The following C12orf42 variants were observed in gnomAD, a reference collection of about 807,000 sequenced individuals.
C12orf42 encodes the protein uncharacterized protein C12orf42.
Under a neutral mutation model 21.6 loss-of-function variants are expected in C12orf42, and 25 were observed. That is an observed-to-expected ratio of 1.16 (90% CI 0.84 to 1.62). The LOEUF (loss-of-function observed/expected upper bound fraction) is 1.62, where lower values mean the gene tolerates loss of function less well. Ranked by LOEUF, C12orf42 falls within the 40% of genes most tolerant of loss-of-function variation. The pLI is 0.00. For synonymous variants in C12orf42, 174 were observed against 175.0 expected (o/e 0.99, Z 0.05); for missense variants, 483 against 459.3 (o/e 1.05, Z -0.47).
the C12orf42 span, among the ~76,000 whole-genome samples, chr12:103,105,654 A>G: frequency 6.6e-6 from 1 of 152,208 alleles, no homozygotes; most frequent in Admixed American, 6.5e-5. Context: ...ATAAAAGTTG[A>G]AATTAAGTAG....
chr12:103,491,358 G>A lies in C12orf42; in HGVS notation c.-22+4544C>T, dbSNP rs866249885. The stretch of plus-strand genomic sequence containing the variant: ...TGAATCTCTATATGTACTATAACAA[G>A]AGGAAACTCTGGTGCATCCATCCCA... On this transcript the variant is annotated intron_variant, in intron 1 of 5. Transcript: ENST00000548883. 2.0e-5 allele frequency among the ~76,000 whole-genome samples: 3 copies of A among 152,250 alleles called. No homozygotes were observed. The South Asian group carries it at 6.2e-4, about 32-fold the overall frequency.
intron 10 of C12orf42, among the ~76,000 whole-genome samples, chr12:103,245,594 T>G (rs1007761750): frequency 1.3e-5 from 2 of 152,084 alleles, no homozygotes; most frequent in African/African-American, 4.8e-5. Context: ...ATAATTGATA[T>G]TGATTATTAT....
At chr12:103,057,961 C>CT in the C12orf42 span, among the ~76,000 whole-genome samples, 808 of 141,076 alleles carry the variant, frequency 5.7e-3, 1 homozygote, top group African/African-American at 8.8e-3. Flanking sequence ...TGATAATGAG[C>CT]TTTTTTTTTT....
intron 5 of C12orf42, among the ~76,000 whole-genome samples, chr12:103,305,393 AT>A (rs570492817): frequency 2.6e-5 from 4 of 152,208 alleles, no homozygotes; most frequent in Non-Finnish European, 5.9e-5. Flanking sequence ...AAATCATTTA[AT>A]TTGAAGTAAT....
At chr12:103,414,014 G>C (rs1328612615) in intron 2 of C12orf42, among the ~76,000 whole-genome samples, 1 of 152,162 alleles carries the variant, frequency 6.6e-6, no homozygotes, top group Non-Finnish European at 1.5e-5. Flanking sequence ...ATACTCAGTA[G>C]TGGGATTGCT....
At position 103,469,468 on chromosome 12, in the gene C12orf42, T is replaced by C. The variant is rs117033172; in HGVS notation, c.78+8881A>G. Among the ~76,000 whole-genome samples, 169 of 152,370 alleles carry C rather than the reference T, an allele frequency of 1.1e-3. 4 individuals are homozygous for C. In the East Asian group the frequency reaches 0.03, roughly 27 times the overall value. On this transcript the variant is annotated intron_variant, in intron 2 of 5. Coordinates refer to ENST00000548883, the MANE Select transcript of C12orf42 (RefSeq NM_198521.5). ...CTCCATGCAGACTTTAATTACTTTA[T>C]GCAAATTTATTGTGTATGAATACTT...
chr12:103,199,525 C>G, the C12orf42 span, among the ~76,000 whole-genome samples: 13 of 152,008 alleles, frequency 8.6e-5, no homozygotes, highest in Non-Finnish European at 1.5e-5. Flanking sequence ...GAGAAGGCGA[C>G]TGACAGAATG....
At chr12:103,131,715 T>C in the C12orf42 span, among the ~76,000 whole-genome samples, 1 of 152,226 alleles carries the variant, frequency 6.6e-6, no homozygotes, top group African/African-American at 2.4e-5. Flanking sequence ...AGGGCTATGA[T>C]GGCAGGTTGC....
At chr12:103,420,081 T>C (rs2049741550) in intron 2 of C12orf42, among the ~76,000 whole-genome samples, 1 of 152,240 alleles carries the variant, frequency 6.6e-6, no homozygotes, top group Non-Finnish European at 1.5e-5. Context: ...AGAAAGGAAA[T>C]GTTACAGAGG....
chr12:103,311,165 C>G (rs1313576109), intron 4 of C12orf42, among the ~76,000 whole-genome samples: 1 of 151,888 alleles, frequency 6.6e-6, no homozygotes, highest in Non-Finnish European at 1.5e-5. Flanking sequence ...TGTGTATTTG[C>G]AATATTAACA....
chr12:103,050,252 G>A, the C12orf42 span, among the ~76,000 whole-genome samples: 3 of 146,194 alleles, frequency 2.1e-5, no homozygotes, highest in Non-Finnish European at 4.5e-5. Flanking sequence ...GTGTGTGTGT[G>A]TATCAAATGG....
chr12:103,063,247 T>C, the C12orf42 span, among the ~76,000 whole-genome samples: 1 of 152,208 alleles, frequency 6.6e-6, no homozygotes, highest in Non-Finnish European at 1.5e-5. Flanking sequence ...TCTGCTAATA[T>C]TGCCCTTAGT....
intron 2 of C12orf42, among the ~76,000 whole-genome samples, chr12:103,457,236 G>A (rs1592896469): frequency 6.6e-6 from 1 of 152,128 alleles, no homozygotes; most frequent in Non-Finnish European, 1.5e-5. Context: ...CTGAAAGTTT[G>A]TCATTTGAAC....
chr12:103,496,813 GAA>G (rs35226409), upstream of C12orf42, among the ~76,000 whole-genome samples: 14 of 111,082 alleles, frequency 1.3e-4, no homozygotes, highest in African/African-American at 1.8e-4. Context: ...TTCTAGCCGG[GAA>G]AAAAAAAAAA....
intron 2 of C12orf42, among the ~76,000 whole-genome samples, chr12:103,432,772 G>C (rs1038092423): frequency 2.0e-5 from 3 of 152,162 alleles, no homozygotes; most frequent in Admixed American, 2.0e-4. Context: ...TTAGGACACA[G>C]ATACACACAC....
At chr12:103,155,441 A>T in the C12orf42 span, among the ~76,000 whole-genome samples, 2 of 152,196 alleles carry the variant, frequency 1.3e-5, no homozygotes, top group African/African-American at 4.8e-5. Context: ...AATAACAAAG[A>T]AAGCAGAAAA....
At chr12:103,359,744 A>G (rs1277449578) in intron 4 of C12orf42, among the ~76,000 whole-genome samples, 1 of 151,898 alleles carries the variant, frequency 6.6e-6, no homozygotes, top group Non-Finnish European at 1.5e-5. Flanking sequence ...TTATTTAGTT[A>G]TTAATTGTTG....
chr12:103,064,826 T>A, the C12orf42 span, among the ~76,000 whole-genome samples: 1 of 152,264 alleles, frequency 6.6e-6, no homozygotes, highest in South Asian at 2.1e-4. Flanking sequence ...ACACAAAACA[T>A]CATTGTGATC....
chr12:103,209,248 G>T, the C12orf42 span, among the ~76,000 whole-genome samples: 1 of 152,064 alleles, frequency 6.6e-6, no homozygotes, highest in Admixed American at 6.5e-5. Context: ...AGGCATATTT[G>T]AATAGAAAGT....
Sources: allele counts gnomAD v4.1 joint callset (sites outside exome capture counted in the v4.1 genomes callset), GRCh38; gene constraint gnomAD v4.1.1; transcripts MANE v1.5; gene names NCBI Gene and HGNC (gene_info 2026-07-23, HGNC 2026-07-21).